Variants in SHANK2 observed in about 807,000 individuals in gnomAD.
The protein encoded by SHANK2 is SH3 and multiple ankyrin repeat domains protein 2.
A neutral mutation model predicts 133.7 loss-of-function variants in SHANK2; 43 were observed. That is an observed-to-expected ratio of 0.32 (90% CI 0.25 to 0.41). SHANK2 has a LOEUF of 0.41. Ranked by LOEUF, SHANK2 falls within the 10% of genes least tolerant of loss-of-function variation. SHANK2 has a pLI of 1.00. For synonymous variants in SHANK2, 1,017 were observed against 952.8 expected (o/e 1.07, Z -1.24); for missense variants, 1,994 against 2,235.8 (o/e 0.89, Z 2.18).
chr11:70,845,884 C>T (rs1948989594), intron 11 of SHANK2, among the ~76,000 whole-genome samples: 1 of 152,172 alleles, frequency 6.6e-6, no homozygotes, highest in South Asian at 2.1e-4. Context: ...TGTCTCCGAG[C>T]TTCCTGCAAT....
At chr11:71,065,430 A>G (rs1951038465) in intron 9 of SHANK2, among the ~76,000 whole-genome samples, 1 of 90,218 alleles carries the variant, frequency 1.1e-5, no homozygotes, top group African/African-American at 4.5e-5. Flanking sequence ...GAACTCTTCC[A>G]GGGAGATGAG....
At chr11:70,754,175 T>C (rs1255076015) in intron 14 of SHANK2, among the ~76,000 whole-genome samples, 2 of 152,198 alleles carry the variant, frequency 1.3e-5, no homozygotes, top group Non-Finnish European at 2.9e-5. Context: ...CTGGTGAATT[T>C]TGCCAATCAT....
intron 17 of SHANK2, among the ~76,000 whole-genome samples, chr11:70,574,779 T>C (rs1554983873): frequency 6.6e-6 from 1 of 152,150 alleles, no homozygotes; most frequent in African/African-American, 2.4e-5. Flanking sequence ...TTAGGTCACA[T>C]GTTTGCTGTA....
At chr11:70,720,829 A>G (rs1191602148) in intron 14 of SHANK2, among the ~76,000 whole-genome samples, 2 of 152,236 alleles carry the variant, frequency 1.3e-5, no homozygotes, top group African/African-American at 4.8e-5. Context: ...GCTCACATAC[A>G]TGCAAACACA....
intron 17 of SHANK2, among the ~76,000 whole-genome samples, chr11:70,658,203 C>A: frequency 7.9e-6 from 1 of 127,066 alleles, no homozygotes; most frequent in East Asian, 2.4e-4. Flanking sequence ...AGGCCACGCC[C>A]CCCCAACACA....
intron 17 of SHANK2, among the ~76,000 whole-genome samples, chr11:70,648,092 G>A (rs1312809605): frequency 6.6e-6 from 1 of 152,172 alleles, no homozygotes; most frequent in Non-Finnish European, 1.5e-5. Flanking sequence ...AAGGTAGTAC[G>A]GACACATGCT....
chr11:71,094,806 T>C, intron 6 of SHANK2, 118 bp from the exon 7 acceptor site: 1 of 1,128,836 alleles, frequency 8.9e-7, no homozygotes, highest in Non-Finnish European at 1.2e-6. Flanking sequence ...ACCTCCAGGG[T>C]GTTTACAGCT....
Position 70,540,842 on chromosome 11 carries a change from CAAA to C in SHANK2, c.2062-37914_2062-37912del, listed in dbSNP as rs10687305. 3.6e-5 allele frequency among the ~76,000 whole-genome samples: 4 copies of C among 111,126 alleles called. No homozygotes were observed. In the South Asian group the frequency reaches 1.1e-3, roughly 30 times the overall value. The allele number at this position is 111,126 out of a possible 152,430, so 72.9% of individuals were successfully genotyped here. A position where few individuals can be genotyped will look rare whatever the true frequency, so the allele number is the denominator to read the frequency against. ...CCAGCCTGGGCGAAAGAGTAAGACT[CAAA>C]AAAAAAAAAAAAAAAACTCAGATAT... On this transcript the variant is annotated intron_variant, in intron 17 of 25. Transcript: ENST00000601538.
chr11:71,250,110 GC>G (rs1249379675), intron 1 of SHANK2, among the ~76,000 whole-genome samples: 1 of 136,698 alleles, frequency 7.3e-6, no homozygotes, highest in East Asian at 3.2e-4. Context: ...CCAACAGACC[GC>G]CCCCCTCCCC....
rs1555094305 is a variant in SHANK2 at position 71,092,535 on chromosome 11, G to C, written c.799C>G (p.Pro267Ala). ...PDYKDSYGLT[P>A]LYHTAIVGGD... ...CCGACGATGGCTGTGTGATACAGCG[G>C]GGTGAGGCCGTAACTGTCTTTATAA... The change falls in exon 8 of 26, where the codon CCG (proline) becomes GCG (alanine). Residue 267 changes from proline to alanine, a missense_variant. By Grantham distance (27) the Pro-to-Ala change is conservative. This residue lies in a region of SHANK2 where 653 missense variants were observed against 563.4 expected (regional missense o/e 1.16). Transcript: ENST00000601538. 2.6e-6 allele frequency: 4 copies of C among 1,551,900 alleles called. No individual in the cohort carries two copies. Among genetic ancestry groups the C allele is most frequent in the Non-Finnish European group, 3.5e-6 (4 of 1,147,030 alleles).
chr11:71,228,171 T>C (rs1954674638), intron 1 of SHANK2, among the ~76,000 whole-genome samples: 1 of 152,194 alleles, frequency 6.6e-6, no homozygotes, highest in Non-Finnish European at 1.5e-5. Flanking sequence ...AAAGCAATTA[T>C]TCAAGAAATA....
Position 70,820,387 on chromosome 11 carries a change from C to T in SHANK2, c.1470G>A (p.Arg490=), listed in dbSNP as rs1948490787. ...RLGGAGEDGK[R]PQPLWHVGSP... ...ACCCGACATGCCAGAGAGGCTGCGG[C>T]CTCTTGCCGTCCTCGCCTGCGCCGC... is the stretch of plus-strand genomic sequence containing the variant. The change falls in exon 12 of 26, where the codon AGG becomes AGA. Residue 490 remains arginine, a synonymous_variant. Coordinates refer to ENST00000601538, the MANE Select transcript of SHANK2 (RefSeq NM_012309.5). 3.0e-6 allele frequency: 2 copies of T among 658,566 alleles called. No homozygotes were observed. The highest frequency in any genetic ancestry group is 3.4e-5 in the South Asian group (2 of 59,278). The allele number at this position is 658,566 out of a possible 1,614,324, so 40.8% of individuals were successfully genotyped here.
At chr11:70,901,457 G>A (rs1555076750) in intron 10 of SHANK2, among the ~76,000 whole-genome samples, 1 of 152,160 alleles carries the variant, frequency 6.6e-6, no homozygotes, top group Admixed American at 6.5e-5. Context: ...ACGCTGCTTT[G>A]TCCAGGTTTT....
At chr11:70,622,769 C>A (rs1591662357) in intron 17 of SHANK2, among the ~76,000 whole-genome samples, 1 of 152,204 alleles carries the variant, frequency 6.6e-6, no homozygotes, top group Non-Finnish European at 1.5e-5. Context: ...CCATCCAACC[C>A]CCTACTGTCT....
At chr11:70,788,563 TGCAGTACAGG>T (rs375048167) in intron 14 of SHANK2, among the ~76,000 whole-genome samples, 9 of 152,274 alleles carry the variant, frequency 5.9e-5, no homozygotes, top group Middle Eastern at 3.4e-3. Flanking sequence ...ACATGGTGTA[TGCAGTACAGG>T]GCAGTACAGG....
intron 1 of SHANK2, among the ~76,000 whole-genome samples, chr11:71,248,034 G>A (rs1354483951): frequency 1.3e-5 from 2 of 152,196 alleles, no homozygotes; most frequent in East Asian, 1.9e-4. Context: ...CTCCCTGAAG[G>A]CCCATCCCCG....
At chr11:70,610,689 G>A (rs1257426412) in intron 17 of SHANK2, among the ~76,000 whole-genome samples, 1 of 152,226 alleles carries the variant, frequency 6.6e-6, no homozygotes, top group Non-Finnish European at 1.5e-5. Context: ...GGAGAATTCC[G>A]TGGGGCAGCC....
intron 10 of SHANK2, among the ~76,000 whole-genome samples, chr11:70,913,408 T>A (rs1431919967): frequency 2.0e-5 from 3 of 151,920 alleles, no homozygotes; most frequent in Non-Finnish European, 4.4e-5. Flanking sequence ...TTTCAATTCC[T>A]CCGGGAACAA....
intron 13 of SHANK2, among the ~76,000 whole-genome samples, chr11:70,800,611 T>C (rs1381332091): frequency 6.6e-6 from 1 of 152,210 alleles, no homozygotes; most frequent in Non-Finnish European, 1.5e-5. Flanking sequence ...AAGTTCCTAA[T>C]AACCTGAAGA....
Sources: gnomAD v4.1 joint callset for allele counts (sites outside exome capture counted in the v4.1 genomes callset) on GRCh38, gnomAD v4.1.1 for gene constraint, gnomAD v4.1.1 regional missense constraint, MANE v1.5 for transcripts, NCBI Gene and HGNC (gene_info 2026-07-23, HGNC 2026-07-21) for gene names.